The following DHX16 variants were observed in gnomAD, a reference collection of about 807,000 sequenced individuals.
DHX16 encodes the protein pre-mRNA-splicing factor ATP-dependent RNA helicase DHX16.
Under a neutral mutation model 131.2 loss-of-function variants are expected in DHX16, and 81 were observed. The observed-to-expected ratio is 0.62, with a 90% CI of 0.52 to 0.74. The LOEUF (loss-of-function observed/expected upper bound fraction) is 0.74. DHX16 is among the 30% of genes least tolerant of loss of function. The pLI is 0.00. For missense variants in DHX16, 980 were observed against 1,363.1 expected (o/e 0.72, Z 4.43); for synonymous variants, 440 against 520.2 (o/e 0.85, Z 2.10).
chr6:30,657,124 C>T, intron 12 of DHX16, 32 bp from the exon 13 acceptor site: 1 of 1,584,302 alleles, frequency 6.3e-7, no homozygotes, highest in South Asian at 1.1e-5. Context: ...CACCCAGTGA[C>T]CCCACCTACC....
chr6:30,670,892 A>G lies in DHX16; in HGVS notation c.507T>C (p.Arg169=), dbSNP rs761255437. 14 of 1,612,892 alleles carry G rather than the reference A, an allele frequency of 8.7e-6. No individual in the cohort carries two copies. The highest frequency in any genetic ancestry group is 1.7e-6 in the Non-Finnish European group (2 of 1,180,032). ...GCTCCTCCAGGTCCTGAAGGCGTTCACGCTCTGTCCGTTCCCACTCATCTT... is the reference window on the plus strand; with the variant it reads ...GCTCCTCCAGGTCCTGAAGGCGTTCGCGCTCTGTCCGTTCCCACTCATCTT... ...ESEDEWERTE[R]ERLQDLEERD... Residue 169 remains arginine (R), a synonymous_variant, in exon 3 of 20, where the codon CGT becomes CGC. Coordinates refer to ENST00000376442, the MANE Select transcript of DHX16 (RefSeq NM_003587.5). The surrounding 1 kb of genome is among the most constrained non-coding windows in gnomAD (Gnocchi z 4.4).
rs747759140 is a variant in DHX16, at chr6:30,665,558, C to T, written c.842G>A (p.Arg281Gln). Residue 281 changes from arginine to glutamine, a missense_variant, in exon 5 of 20, where the codon CGG (arginine) becomes CAG (glutamine). This residue lies in a region of DHX16 where 457 missense variants were observed against 554.8 expected (regional missense o/e 0.82). Coordinates refer to ENST00000376442, the MANE Select transcript of DHX16 (RefSeq NM_003587.5). This position sits in a 1 kb window ranked among gnomAD's most constrained non-coding sequence, Gnocchi z 4.8. ...CTGCTCCCCAGCTGCCCGGTACTCC[C>T]GGGCGAGATCCCGCACTCGCCGCTT... ...KYKRRVRDLA[R>Q]EYRAAGEQEK... The T allele has an allele frequency of 5.0e-6, 8 of 1,612,960 alleles. No individual in the cohort carries two copies. Among genetic ancestry groups the T allele is most frequent in the Non-Finnish European group, 4.2e-6 (5 of 1,180,042 alleles).
intron 12 of DHX16, among the ~76,000 whole-genome samples, chr6:30,658,865 G>A (rs1048638751): frequency 6.6e-6 from 1 of 151,930 alleles, no homozygotes; most frequent in African/African-American, 2.4e-5. Flanking sequence ...AACATACCTT[G>A]GGCCTTCCTC....
chr6:30,653,188 A>C lies in DHX16; in HGVS notation c.*54T>G. The C allele has an allele frequency of 6.4e-7, 1 of 1,571,108 alleles. No individual in the cohort carries two copies. The highest frequency in any genetic ancestry group is 8.6e-7 in the Non-Finnish European group (1 of 1,164,138). ...AAATAATTTTATTTAATAGGTATTA[A>C]ATAATGTATAGAAGGAAAAGGAGCT... is the stretch of plus-strand genomic sequence containing the variant. On this transcript the variant is annotated 3_prime_UTR_variant, in exon 20 of 20. Transcript: ENST00000376442.
intron 7 of DHX16, among the ~76,000 whole-genome samples, chr6:30,663,326 T>A (rs747321589): frequency 3.9e-5 from 6 of 152,012 alleles, no homozygotes; most frequent in Non-Finnish European, 5.9e-5. Flanking sequence ...CAGTGGCTCA[T>A]GCCTGTAATC....
chr6:30,657,148 A>C (rs907386304), intron 12 of DHX16, 56 bp from the exon 13 acceptor site: 53 of 1,557,464 alleles, frequency 3.4e-5, no homozygotes, highest in Non-Finnish European at 3.9e-5. Context: ...TTACCCAGAA[A>C]AAGTAATCTT....
intron 19 of DHX16, among the ~76,000 whole-genome samples, chr6:30,653,997 T>G (rs1187938022): frequency 6.6e-6 from 1 of 152,068 alleles, no homozygotes; most frequent in Non-Finnish European, 1.5e-5. Context: ...TGGGCACCTG[T>G]AATCCCAGCT....
intron 10 of DHX16, 25 bp downstream of exon 10, chr6:30,660,007 A>C (rs761211875): frequency 6.2e-7 from 1 of 1,609,494 alleles, no homozygotes; most frequent in South Asian, 1.1e-5. Flanking sequence ...CCACAGACTT[A>C]AGCCCATCCT....
chr6:30,672,910 A>G lies in DHX16; in HGVS notation c.-69T>C, dbSNP rs1406905226. On this transcript the variant is annotated 5_prime_UTR_variant, in exon 1 of 20. Coordinates refer to ENST00000376442, the MANE Select transcript of DHX16 (RefSeq NM_003587.5). ...CCGCGCTCACTGCTGGGCCGGTCAG[A>G]GGCCTGGAGCCCTCGGCTGGAGCCT... 1 of 1,593,326 alleles carries G rather than the reference A, an allele frequency of 6.3e-7. No individual in the cohort carries two copies.
intron 9 of DHX16, among the ~76,000 whole-genome samples, chr6:30,661,118 C>A (rs1184203966): frequency 6.2e-5 from 9 of 144,834 alleles, no homozygotes; most frequent in African/African-American, 2.3e-4. Flanking sequence ...CACTCTGTCG[C>A]CCAGGCTGGA....
intron 18 of DHX16, 106 bp from the exon 19 acceptor site, chr6:30,654,985 G>A (rs1767833677): frequency 9.8e-6 from 14 of 1,421,734 alleles, no homozygotes; most frequent in Non-Finnish European, 1.1e-5. Flanking sequence ...AGAGAGGTAA[G>A]GAATGCATGA....
chr6:30,668,416 C>T lies in DHX16; in HGVS notation c.666+1994G>A, dbSNP rs28986315. Among the ~76,000 whole-genome samples the T allele has an allele frequency of 4.5e-3, 686 of 152,110 alleles. 4 individuals are homozygous for T. Among genetic ancestry groups the T allele is most frequent in the South Asian group, 0.027 (130 of 4,818 alleles). On this transcript the variant is annotated intron_variant, in intron 4 of 19. Transcript: ENST00000376442. Reference sequence around the variant, plus strand: ...CTGTAATCTTAACATTTTGGGAGACCGAGGGGGGTGGATCGCCAAAGGTCA... The same window carrying T: ...CTGTAATCTTAACATTTTGGGAGACTGAGGGGGGTGGATCGCCAAAGGTCA...
intron 7 of DHX16, among the ~76,000 whole-genome samples, chr6:30,664,432 G>A (rs890248226): frequency 1.5e-4 from 22 of 144,074 alleles, no homozygotes; most frequent in Non-Finnish European, 2.7e-4. Flanking sequence ...AGCCAAGATC[G>A]CACCACTGCA....
chr6:30,665,278 CAG>C lies in DHX16; in HGVS notation c.922-6_922-5del. ...CTAGATCCACAGCTCGGGCTGGCTA[CAG>C]AGAGAGGGGATATGTGAAGACTCAA... On this transcript the variant is annotated splice_polypyrimidine_tract_variant and splice_region_variant and intron_variant, in intron 5 of 19. Transcript: ENST00000376442. This position sits in a 1 kb window ranked among gnomAD's most constrained non-coding sequence, Gnocchi z 4.8. The C allele has an allele frequency of 1.2e-6, 2 of 1,601,668 alleles. No individual in the cohort carries two copies. Among genetic ancestry groups the C allele is most frequent in the Non-Finnish European group, 8.5e-7 (1 of 1,179,434 alleles).
chr6:30,662,813 G>A lies in DHX16; in HGVS notation c.1429-71C>T. 1 of 1,559,574 alleles carries A rather than the reference G, an allele frequency of 6.4e-7. No individual in the cohort carries two copies. The highest frequency in any genetic ancestry group is 8.8e-7 in the Non-Finnish European group (1 of 1,133,572). On this transcript the variant is annotated intron_variant, in intron 8 of 19. Coordinates refer to ENST00000376442, the MANE Select transcript of DHX16 (RefSeq NM_003587.5). The surrounding 1 kb of genome is among the most constrained non-coding windows in gnomAD (Gnocchi z 4.7). The stretch of plus-strand genomic sequence containing the variant: ...TGAAAGGAACTTGGGGAAAGGTGAA[G>A]TGGGGCAGCACCAAGACTTCTGCTG...
intron 19 of DHX16, among the ~76,000 whole-genome samples, chr6:30,654,115 C>CTA (rs1554159408): frequency 1.4e-5 from 2 of 147,930 alleles, no homozygotes; most frequent in Admixed American, 6.7e-5. Flanking sequence ...ACGGAACTCT[C>CTA]AAAAAAAAGA....
At position 30,672,616 on chromosome 6, in the gene DHX16, TC is replaced by T; in HGVS notation, c.207+18del. 1 of 1,599,248 alleles carries T rather than the reference TC, an allele frequency of 6.3e-7. No individual in the cohort carries two copies. Among genetic ancestry groups the T allele is most frequent in the African/African-American group, 1.3e-5 (1 of 74,684 alleles). The stretch of plus-strand genomic sequence containing the variant: ...TCACCGGGACAAATCACAGGGCCCC[TC>T]CCCACCCCTGCCGACACCTTGTTCC... On this transcript the variant is annotated intron_variant, in intron 1 of 19. Coordinates refer to ENST00000376442, the MANE Select transcript of DHX16 (RefSeq NM_003587.5).
chr6:30,656,104 G>T lies in DHX16; in HGVS notation c.2498+94C>A. 8.2e-7 allele frequency: 1 copy of T among 1,223,576 alleles called. No individual in the cohort carries two copies. The highest frequency in any genetic ancestry group is 1.2e-6 in the Non-Finnish European group (1 of 837,872). The allele number at this position is 1,223,576 out of a possible 1,614,324, so 75.8% of individuals were successfully genotyped here. On this transcript the variant is annotated intron_variant, in intron 16 of 19. Transcript: ENST00000376442. The surrounding 1 kb of genome is among the most constrained non-coding windows in gnomAD (Gnocchi z 5.1). ...TTTATTATGTGTTAAGGGATAGTATGATGAACAGAAAAAGACAGACAAAGG... is the reference window on the plus strand; with the variant it reads ...TTTATTATGTGTTAAGGGATAGTATTATGAACAGAAAAAGACAGACAAAGG...
chr6:30,655,411 T>C, intron 17 of DHX16, 24 bp downstream of exon 17: 1 of 1,613,974 alleles, frequency 6.2e-7, no homozygotes, highest in Non-Finnish European at 8.5e-7. Context: ...TGTCTCTCAT[T>C]CCCACTCACC....
Sources: allele counts gnomAD v4.1 joint callset (sites outside exome capture counted in the v4.1 genomes callset), GRCh38; gene constraint gnomAD v4.1.1; regional missense constraint gnomAD v4.1.1; non-coding constraint Gnocchi (gnomAD v3.1); transcripts MANE v1.5; gene names NCBI Gene and HGNC (gene_info 2026-07-23, HGNC 2026-07-21).